Variants in SERPINA10 observed in about 807,000 individuals in gnomAD.
SERPINA10 encodes serpin family A member 10, also known as protein Z-dependent protease inhibitor.
Under a neutral mutation model 28.0 loss-of-function variants are expected in SERPINA10, and 24 were observed. That is an observed-to-expected ratio of 0.86 (90% CI 0.62 to 1.20). SERPINA10 has a LOEUF of 1.20. SERPINA10 is among the 50% of genes most tolerant of loss of function. SERPINA10 has a pLI of 0.00. For synonymous variants in SERPINA10, 207 were observed against 203.9 expected, an observed-to-expected ratio of 1.02 and a Z score of -0.13; for missense variants, 521 against 537.7, an observed-to-expected ratio of 0.97 and a Z score of 0.31.
chr14:94,292,481 G>A (rs1895203103), intron 1 of SERPINA10: 5 of 649,444 alleles, frequency 7.7e-6, no homozygotes, highest in East Asian at 5.5e-5. Flanking sequence ...GCATCATTTA[G>A]TGCTACTTTC....
intron 3 of SERPINA10, 28 bp from the exon 4 acceptor site, chr14:94,286,286 A>G (rs1283787076): frequency 1.2e-6 from 2 of 1,612,182 alleles, no homozygotes; most frequent in Non-Finnish European, 1.7e-6. Flanking sequence ...ATGATGGTGA[A>G]ATGTAGACAA....
chr14:94,290,492 A>G lies in SERPINA10; in HGVS notation c.102T>C (p.Pro34=). Residue 34 remains proline, a synonymous_variant, in exon 2 of 5, where the codon CCT becomes CCC. Transcript: ENST00000261994. ...GCACTACCCTGCTGGTCTGGTTCTG[A>G]GGGGCTGGGGTCTCTGGCGACTGAG... ...PSPQSPETPA[P]QNQTSRVVQA... 1 of 1,613,246 alleles carries G rather than the reference A, an allele frequency of 6.2e-7. No homozygotes were observed. The highest frequency in any genetic ancestry group is 8.5e-7 in the Non-Finnish European group (1 of 1,179,738).
intron 4 of SERPINA10, among the ~76,000 whole-genome samples, chr14:94,285,505 G>A (rs539269455): frequency 1.1e-4 from 17 of 150,270 alleles, no homozygotes; most frequent in South Asian, 4.2e-4. Context: ...ATATGTGTGT[G>A]TATATATATA....
In SERPINA10 at chr14:94,288,517, T is replaced by A; in HGVS notation, c.761A>T (p.Asp254Val). 6.2e-7 allele frequency: 1 copy of A among 1,614,176 alleles called. No homozygotes were observed. Among genetic ancestry groups the A allele is most frequent in the Non-Finnish European group, 8.5e-7 (1 of 1,180,030 alleles). The change falls in exon 3 of 5, where the codon GAC becomes GTC. Residue 254 changes from aspartate (D) to valine (V), a missense_variant. Transcript: ENST00000261994. The part of the protein sequence containing the change: ...TPFDPVFTEV[D>V]TFHLDKYKTI... ...CTTGTACTTGTCCAGGTGGAAAGTG[T>A]CGACTTCGGTGAAGACAGGGTCAAA... is the stretch of plus-strand genomic sequence containing the variant.
chr14:94,292,543 A>T (rs1428379166), intron 1 of SERPINA10: 1 of 700,648 alleles, frequency 1.4e-6, no homozygotes, highest in Non-Finnish European at 2.6e-6. Context: ...TTCTCCCTGT[A>T]CAATGGTCAG....
rs1894958383 is a variant in SERPINA10, at chr14:94,283,981, T to C, written c.1319A>G (p.Asn440Ser). The change falls in exon 5 of 5, where the codon AAT (asparagine) becomes AGT (serine). Residue 440 changes from asparagine to serine, a missense_variant. By Grantham distance (46) the Asn-to-Ser change is conservative. Coordinates refer to ENST00000261994, the MANE Select transcript of SERPINA10 (RefSeq NM_001100607.3). ...TGTCCTGAATTATAGGAGAGTCGGA[T>C]TCACCACCCTGCCCAGAAACAGAAG... ...GMLLFLGRVVNPTLL is the reference protein window; with the variant it reads ...GMLLFLGRVVSPTLL The C allele has an allele frequency of 6.2e-7, 1 of 1,613,906 alleles. No homozygotes were observed. Among genetic ancestry groups the C allele is most frequent in the African/African-American group, 1.3e-5 (1 of 74,928 alleles).
intron 1 of SERPINA10, among the ~76,000 whole-genome samples, chr14:94,291,521 G>A (rs147621079): frequency 6.6e-6 from 1 of 152,314 alleles, no homozygotes; most frequent in Non-Finnish European, 1.5e-5. Flanking sequence ...GGGCCACCTG[G>A]CTGTGTCCAA....
At chr14:94,287,161 TTGA>T (rs1210753399) in intron 3 of SERPINA10, among the ~76,000 whole-genome samples, 4 of 152,170 alleles carry the variant, frequency 2.6e-5, no homozygotes, top group African/African-American at 4.8e-5. Flanking sequence ...TAGTTCTGTG[TTGA>T]TGACCGAATT....
At chr14:94,290,749 G>T in intron 1 of SERPINA10, 106 bp from the exon 2 acceptor site, 1 of 1,275,606 alleles carries the variant, frequency 7.8e-7, no homozygotes, top group Admixed American at 2.1e-5. Context: ...GCTCAAGTAG[G>T]TTAGCCCTGC....
At position 94,288,298 on chromosome 14, in the gene SERPINA10, T is replaced by C. The variant is rs765797807; in HGVS notation, c.980A>G (p.Asn327Ser). The C allele has an allele frequency of 3.1e-6, 5 of 1,613,748 alleles. No individual in the cohort carries two copies. In the Admixed American group the frequency reaches 5.0e-5, roughly 16 times the overall value. The change falls in exon 3 of 5, where the codon AAC becomes AGC. Residue 327 changes from asparagine (N) to serine (S), a missense_variant. By Grantham distance (46) the Asn-to-Ser change is conservative. Transcript: ENST00000261994. Reference protein sequence around the residue: ...TTDLVETWLRNMKTRNMEVFF... With the variant: ...TTDLVETWLRSMKTRNMEVFF... ...GCAAGAGTTGTACCTGGTTTTCATG[T>C]TTCTGAGCCATGTCTCCACCAAGTC...
At chr14:94,292,501 A>C in intron 1 of SERPINA10, 1 of 677,516 alleles carries the variant, frequency 1.5e-6, no homozygotes, top group South Asian at 1.5e-5. Context: ...CTACATTAAG[A>C]CCACACAGAA....
At chr14:94,285,524 CACAT>C (rs565027879) in intron 4 of SERPINA10, among the ~76,000 whole-genome samples, 119 of 151,266 alleles carry the variant, frequency 7.9e-4, no homozygotes, top group African/African-American at 2.7e-3. Flanking sequence ...TATACACACA[CACAT>C]ATACACACAT....
At chr14:94,291,889 C>T (rs990232359) in intron 1 of SERPINA10, among the ~76,000 whole-genome samples, 9 of 152,336 alleles carry the variant, frequency 5.9e-5, no homozygotes, top group East Asian at 5.8e-4. Flanking sequence ...AATGGCACCC[C>T]GGAATTCAGG....
rs1184367829 is a variant in SERPINA10, at chr14:94,292,272, C to A, written c.-51+917G>T. Among the ~76,000 whole-genome samples, 3 of 152,186 alleles carry A rather than the reference C, an allele frequency of 2.0e-5. No individual in the cohort carries two copies. The East Asian group carries it at 5.8e-4, about 30-fold the overall frequency. On this transcript the variant is annotated intron_variant, in intron 1 of 4. Transcript: ENST00000261994. ...GTCATAAGAAGAGAGCAGAGTCCCC[C>A]TCCGCACCTCCTCTCCATGGGAGGA...
chr14:94,290,577 C>G lies in SERPINA10; in HGVS notation c.17G>C (p.Ser6Thr), dbSNP rs1284690228. MKVVP[S>T]LLLSVLLAQV... ...TGCCAGGAGGACGGAGAGCAGGAGA[C>G]TTGGCACCACCTTCATGTGATCGGC... is the stretch of plus-strand genomic sequence containing the variant. The change falls in exon 2 of 5, where the codon AGT becomes ACT. Residue 6 changes from serine to threonine, a missense_variant. Transcript: ENST00000261994. 6.2e-7 allele frequency: 1 copy of G among 1,613,572 alleles called. No homozygotes were observed. Among genetic ancestry groups the G allele is most frequent in the Non-Finnish European group, 8.5e-7 (1 of 1,179,938 alleles).
Position 94,290,543 on chromosome 14 carries a change from C to T in SERPINA10, c.51G>A (p.Trp17Ter), listed in dbSNP as rs1432981427. The T allele has an allele frequency of 6.2e-7, 1 of 1,613,628 alleles. No homozygotes were observed. The highest frequency in any genetic ancestry group is 1.7e-5 in the Admixed American group (1 of 59,936). Reference sequence around the variant, plus strand: ...GACTGGGGGCCAAGCCGGGTACCAGCCACACCTGTGCCAGGAGGACGGAGA... The same window carrying T: ...GACTGGGGGCCAAGCCGGGTACCAGTCACACCTGTGCCAGGAGGACGGAGA... ...LLLSVLLAQV[W>*]LVPGLAPSPQ... is the part of the protein sequence containing the mutation. The change falls in exon 2 of 5, where the codon TGG (tryptophan) becomes TGA (stop). Residue 17 changes from tryptophan to a stop codon, truncating the protein, a stop_gained. Transcript: ENST00000261994. LOFTEE classifies it high-confidence loss of function.
Position 94,284,176 on chromosome 14 carries a change from T to C in SERPINA10, c.1144-20A>G. 6.2e-7 allele frequency: 1 copy of C among 1,607,520 alleles called. No homozygotes were observed. Among genetic ancestry groups the C allele is most frequent in the South Asian group, 1.1e-5 (1 of 90,908 alleles). On this transcript the variant is annotated intron_variant, in intron 4 of 4. Transcript: ENST00000261994. ...TAAAACCTGGAAAAAGGAAATAATG[T>C]GAAAAACCATTTGTGTGGCAGTGCA...
At chr14:94,285,967 G>T in intron 4 of SERPINA10, 141 bp downstream of exon 4, 3 of 994,908 alleles carry the variant, frequency 3.0e-6, no homozygotes, top group South Asian at 2.8e-5. Flanking sequence ...TCCAACCTGG[G>T]TGCTATTTCA....
In SERPINA10 at chr14:94,283,899, C is replaced by T. The variant is rs143305870; in HGVS notation, c.*66G>A. 53 of 1,460,694 alleles carry T rather than the reference C, an allele frequency of 3.6e-5. No homozygotes were observed. The highest frequency in any genetic ancestry group is 4.7e-5 in the Non-Finnish European group (49 of 1,040,948). The allele number at this position is 1,460,694 out of a possible 1,614,324, so 90.5% of individuals were successfully genotyped here. A position where few individuals can be genotyped will look rare whatever the true frequency, so the allele number is the denominator to read the frequency against. Reference sequence around the variant, plus strand: ...TCCCCTGCCATCCATTGCTGGTATCCTGTGTGTGTTTGATACCTCAGATTC... The same window carrying T: ...TCCCCTGCCATCCATTGCTGGTATCTTGTGTGTGTTTGATACCTCAGATTC... On this transcript the variant is annotated 3_prime_UTR_variant, in exon 5 of 5. Coordinates refer to ENST00000261994, the MANE Select transcript of SERPINA10 (RefSeq NM_001100607.3).
Sources: allele counts gnomAD v4.1 joint callset (sites outside exome capture counted in the v4.1 genomes callset), GRCh38; gene constraint gnomAD v4.1.1; transcripts MANE v1.5; gene names NCBI Gene and HGNC (gene_info 2026-07-23, HGNC 2026-07-21).